IMMP2L: variants seen among roughly 807,000 people sequenced by gnomAD.
IMMP2L encodes mitochondrial inner membrane protease subunit 2.
Under a neutral mutation model 19.3 loss-of-function variants are expected in IMMP2L, and 18 were observed. The observed-to-expected ratio is 0.93, with a 90% confidence interval of 0.64 to 1.38. IMMP2L has a LOEUF of 1.38. Among genes scored for constraint, IMMP2L ranks in the 40% most tolerant of loss-of-function variants. IMMP2L has a pLI of 0.00. For missense variants in IMMP2L, 233 were observed against 218.2 expected, an observed-to-expected ratio of 1.07 and a Z score of -0.43; for synonymous variants, 76 against 73.0, an observed-to-expected ratio of 1.04 and a Z score of -0.21.
At chr7:111,242,726 A>C (rs1815250886) in intron 3 of IMMP2L, among the ~76,000 whole-genome samples, 1 of 151,900 alleles carries the variant, frequency 6.6e-6, no homozygotes, top group African/African-American at 2.4e-5. Flanking sequence ...CTCCAATTCA[A>C]CCAAAGCCTA....
intron 3 of IMMP2L, among the ~76,000 whole-genome samples, chr7:111,315,763 A>G (rs951983479): frequency 5.3e-5 from 8 of 152,000 alleles, no homozygotes; most frequent in African/African-American, 1.9e-4. Flanking sequence ...TTTTTCAACT[A>G]ATAAAAAGGT....
At chr7:111,486,208 C>T (rs969929179) in intron 3 of IMMP2L, among the ~76,000 whole-genome samples, 5 of 152,208 alleles carry the variant, frequency 3.3e-5, no homozygotes, top group African/African-American at 4.8e-5. Flanking sequence ...TAGTCACTAA[C>T]GAGATTTGGT....
chr7:110,715,891 C>G (rs1047436585), intron 5 of IMMP2L, among the ~76,000 whole-genome samples: 1 of 152,036 alleles, frequency 6.6e-6, no homozygotes, highest in Non-Finnish European at 1.5e-5. Flanking sequence ...GAGTAGCTAT[C>G]TAAGTATTTT....
chr7:111,158,113 T>A (rs1401582763), intron 3 of IMMP2L, among the ~76,000 whole-genome samples: 1 of 151,856 alleles, frequency 6.6e-6, no homozygotes, highest in Admixed American at 6.6e-5. Flanking sequence ...ATACTCTATA[T>A]ACAAAAATAA....
chr7:111,455,360 T>C (rs976990654), intron 3 of IMMP2L, among the ~76,000 whole-genome samples: 39 of 151,854 alleles, frequency 2.6e-4, no homozygotes, highest in Non-Finnish European at 3.5e-4. Flanking sequence ...CCATTCTTTT[T>C]ACATTTGAAT....
intron 3 of IMMP2L, among the ~76,000 whole-genome samples, chr7:111,372,055 G>A (rs1443713672): frequency 6.6e-6 from 1 of 151,920 alleles, no homozygotes; most frequent in African/African-American, 2.4e-5. Context: ...ATTTTGTCAA[G>A]GAGAAACAGC....
chr7:110,912,172 G>A (rs748021228), intron 4 of IMMP2L, among the ~76,000 whole-genome samples: 14 of 152,036 alleles, frequency 9.2e-5, no homozygotes, highest in Non-Finnish European at 1.5e-4. Context: ...GAAAGAAGGC[G>A]AGTTATCTAT....
intron 3 of IMMP2L, among the ~76,000 whole-genome samples, chr7:111,033,763 G>T (rs1179803995): frequency 6.6e-6 from 1 of 152,138 alleles, no homozygotes; most frequent in Non-Finnish European, 1.5e-5. Flanking sequence ...TGATATTTAT[G>T]CATGAGACAT....
chr7:111,137,007 T>C (rs1037274487), intron 3 of IMMP2L, among the ~76,000 whole-genome samples: 8 of 152,152 alleles, frequency 5.3e-5, no homozygotes, highest in African/African-American at 1.7e-4. Flanking sequence ...TGAAAGGTGG[T>C]TAGCTTGCTG....
chr7:111,439,304 T>A (rs1414751271), intron 3 of IMMP2L, among the ~76,000 whole-genome samples: 3 of 151,786 alleles, frequency 2.0e-5, no homozygotes, highest in Non-Finnish European at 1.5e-5. Flanking sequence ...TCCCCTCCAG[T>A]GCTCTCATAC....
At chr7:111,205,825 GA>G (rs1457160015) in intron 3 of IMMP2L, among the ~76,000 whole-genome samples, 2 of 152,130 alleles carry the variant, frequency 1.3e-5, no homozygotes, top group East Asian at 3.9e-4. Flanking sequence ...GGCTGTTGAT[GA>G]GGGGGGCCTT....
At chr7:111,083,806 A>C (rs1796084110) in intron 3 of IMMP2L, among the ~76,000 whole-genome samples, 1 of 152,252 alleles carries the variant, frequency 6.6e-6, no homozygotes, top group Non-Finnish European at 1.5e-5. Flanking sequence ...CTTTAATTTC[A>C]GCATACATAA....
At chr7:110,878,020 A>C (rs1752560986) in intron 5 of IMMP2L, among the ~76,000 whole-genome samples, 1 of 152,148 alleles carries the variant, frequency 6.6e-6, no homozygotes, top group Non-Finnish European at 1.5e-5. Context: ...AGAAGTGCCT[A>C]GAAGAAGGAA....
At chr7:111,101,269 A>ATC (rs1797939308) in intron 3 of IMMP2L, among the ~76,000 whole-genome samples, 1 of 151,462 alleles carries the variant, frequency 6.6e-6, no homozygotes, top group Admixed American at 6.6e-5. Context: ...TTAATCAATG[A>ATC]CCATGATATA....
intron 3 of IMMP2L, among the ~76,000 whole-genome samples, chr7:111,364,008 AC>A (rs1453744663): frequency 2.0e-5 from 3 of 151,348 alleles, no homozygotes; most frequent in African/African-American, 7.3e-5. Context: ...ATCCCCCCCC[AC>A]ACACACACAT....
At chr7:110,968,913 A>C (rs559159549) in intron 3 of IMMP2L, among the ~76,000 whole-genome samples, 178 of 152,192 alleles carry the variant, frequency 1.2e-3, no homozygotes, top group South Asian at 8.3e-3. Context: ...AAGGAGATCA[A>C]TTAACTGGGC....
chr7:111,324,897 C>A (rs768741415), intron 3 of IMMP2L, among the ~76,000 whole-genome samples: 1 of 151,736 alleles, frequency 6.6e-6, no homozygotes, highest in African/African-American at 2.4e-5. Flanking sequence ...GGTTGCTTCA[C>A]AATCTGTTAA....
At chr7:111,106,680 G>C (rs1409877141) in intron 3 of IMMP2L, among the ~76,000 whole-genome samples, 1 of 147,852 alleles carries the variant, frequency 6.8e-6, no homozygotes, top group Non-Finnish European at 1.5e-5. Context: ...TAAAGTCTCG[G>C]TGTGTGAAAA....
intron 3 of IMMP2L, among the ~76,000 whole-genome samples, chr7:110,981,888 A>T (rs1293192179): frequency 6.6e-6 from 1 of 152,166 alleles, no homozygotes; most frequent in Non-Finnish European, 1.5e-5. Flanking sequence ...AAGAGTCAAG[A>T]CAAGTGTCTT....
Sources: allele counts gnomAD v4.1 joint callset (sites outside exome capture counted in the v4.1 genomes callset), GRCh38; gene constraint gnomAD v4.1.1; transcripts MANE v1.5; gene names NCBI Gene and HGNC (gene_info 2026-07-23, HGNC 2026-07-21).